Variants in TECTA observed in about 807,000 individuals in gnomAD.
The protein encoded by TECTA is alpha-tectorin.
Under a neutral mutation model 216.8 loss-of-function variants are expected in TECTA, and 128 were observed. The observed-to-expected ratio is 0.59, with a 90% CI of 0.51 to 0.68. The LOEUF (loss-of-function observed/expected upper bound fraction) is 0.68. TECTA is among the 30% of genes least tolerant of loss of function. The pLI, the probability that TECTA is intolerant of heterozygous loss-of-function variation, is 0.00. For synonymous variants in TECTA, 1,089 were observed against 1,117.1 expected (o/e 0.97, Z 0.50); for missense variants, 2,551 against 2,786.2 (o/e 0.92, Z 1.90).
At chr11:121,111,441 C>T (rs1471918915) in intron 4 of TECTA, among the ~76,000 whole-genome samples, 1 of 152,128 alleles carries the variant, frequency 6.6e-6, no homozygotes, top group African/African-American at 2.4e-5. Context: ...TTTTTTTATC[C>T]AGAAGAGTCT....
At chr11:121,175,142 G>A (rs1334817828) in intron 20 of TECTA, among the ~76,000 whole-genome samples, 2 of 151,622 alleles carry the variant, frequency 1.3e-5, no homozygotes, top group African/African-American at 4.9e-5. Context: ...CAAAAAACCA[G>A]CTCCTGGATT....
At position 121,158,036 on chromosome 11, in the gene TECTA, G is replaced by T. The variant is rs1056976311; in HGVS notation, c.4501G>T (p.Ala1501Ser). ...GGGVFRTFDG[A>S]FLRFPANCAF... ...CGGCGTCTTCCGCACCTTCGACGGC[G>T]CCTTCCTGCGCTTCCCAGCCAACTG... The change falls in exon 14 of 24, where the codon GCC (alanine) becomes TCC (serine). Residue 1501 changes from alanine to serine, a missense_variant. Physicochemically the swap from Ala to Ser is moderately conservative, Grantham distance 99. Around this residue, in one of 3 missense-constraint regions of TECTA, gnomAD observed 2,375 missense variants for 2,563.9 expected, o/e 0.93. Transcript: ENST00000392793. The T allele has an allele frequency of 6.2e-7, 1 of 1,613,134 alleles. No individual in the cohort carries two copies. Among genetic ancestry groups the T allele is most frequent in the South Asian group, 1.1e-5 (1 of 91,086 alleles).
At chr11:121,149,951 CAG>C (rs2135111324) in intron 12 of TECTA, among the ~76,000 whole-genome samples, 1 of 152,288 alleles carries the variant, frequency 6.6e-6, no homozygotes, top group East Asian at 1.9e-4. Flanking sequence ...ATGGAAGAAT[CAG>C]AGTGTGAAAC....
At position 121,117,722 on chromosome 11, in the gene TECTA, T is replaced by G. The variant is rs1591439569; in HGVS notation, c.791-584T>G. 2.0e-5 allele frequency among the ~76,000 whole-genome samples: 3 copies of G among 152,180 alleles called. No individual in the cohort carries two copies. The East Asian group carries it at 5.8e-4, about 29-fold the overall frequency. The stretch of plus-strand genomic sequence containing the variant: ...CCTGCCTAAGCAGCATCTGCAGGAT[T>G]CATGAGCCTTTAAATGTGCAAGAAA... On this transcript the variant is annotated intron_variant, in intron 6 of 23. Transcript: ENST00000392793.
chr11:121,146,133 G>A lies in TECTA; in HGVS notation c.4105+17G>A. The stretch of plus-strand genomic sequence containing the variant: ...CGTCCTGCAGTGAGTCCTTCTCGTT[G>A]TCCCTCCTTGTAGCTTCTCCTCTTT... On this transcript the variant is annotated intron_variant, in intron 12 of 23. Transcript: ENST00000392793. The A allele has an allele frequency of 1.2e-6, 2 of 1,601,884 alleles. No individual in the cohort carries two copies. Among genetic ancestry groups the A allele is most frequent in the Non-Finnish European group, 1.7e-6 (2 of 1,179,860 alleles).
At chr11:121,120,407 C>T (rs746440010) in intron 7 of TECTA, among the ~76,000 whole-genome samples, 4 of 152,228 alleles carry the variant, frequency 2.6e-5, no homozygotes, top group Non-Finnish European at 4.4e-5. Flanking sequence ...ATACACCTGC[C>T]CTGCTGGGGA....
chr11:121,111,987 C>G (rs1378375663), intron 4 of TECTA, among the ~76,000 whole-genome samples: 1 of 152,188 alleles, frequency 6.6e-6, no homozygotes, highest in East Asian at 1.9e-4. Context: ...CCAAGATCCT[C>G]TACCCCAGTT....
chr11:121,117,755 G>A (rs1334602721), intron 6 of TECTA, among the ~76,000 whole-genome samples: 2 of 152,234 alleles, frequency 1.3e-5, no homozygotes, highest in African/African-American at 4.8e-5. Context: ...AAAGTGGTCA[G>A]TGCTTTCCAG....
intron 23 of TECTA, 55 bp from the exon 24 acceptor site, chr11:121,190,651 A>G (rs1565542746): frequency 1.5e-5 from 20 of 1,342,886 alleles, no homozygotes; most frequent in South Asian, 2.4e-5. Flanking sequence ...TCTGATCCCT[A>G]TCAAACAGGT....
intron 13 of TECTA, among the ~76,000 whole-genome samples, chr11:121,157,489 A>T (rs1946953219): frequency 6.6e-6 from 1 of 152,092 alleles, no homozygotes; most frequent in African/African-American, 2.4e-5. Flanking sequence ...GCTACTAGGG[A>T]GGCTGAGATA....
At chr11:121,118,859 A>G (rs1179987535) in intron 7 of TECTA, 141 bp downstream of exon 7, 1 of 1,156,692 alleles carries the variant, frequency 8.6e-7, no homozygotes, top group Non-Finnish European at 1.2e-6. Flanking sequence ...CGCCTTGCAA[A>G]TAGCTTGTAA....
chr11:121,152,854 A>T (rs1946903719), intron 12 of TECTA, 27 bp from the exon 13 acceptor site: 1 of 1,584,258 alleles, frequency 6.3e-7, no homozygotes, highest in East Asian at 2.3e-5. Flanking sequence ...TGATCGTGCG[A>T]GTCTTGACTT....
intron 14 of TECTA, among the ~76,000 whole-genome samples, chr11:121,158,822 T>C (rs763711514): frequency 9.2e-5 from 14 of 152,220 alleles, no homozygotes; most frequent in Non-Finnish European, 4.4e-5. Context: ...TTGTTTATCT[T>C]ACACCTGTGT....
intron 7 of TECTA, among the ~76,000 whole-genome samples, chr11:121,124,277 A>G (rs1273617839): frequency 1.3e-5 from 2 of 152,176 alleles, no homozygotes. Context: ...ATAAATGCGT[A>G]TTTGTAGAAT....
Position 121,127,939 on chromosome 11 carries a change from C to G in TECTA, c.1962C>G (p.Phe654Leu). The change falls in exon 9 of 24, where the codon TTC (phenylalanine) becomes TTG (leucine). Residue 654 changes from phenylalanine to leucine, a missense_variant. Phe to Leu is a conservative substitution (Grantham distance 22). Around this residue, in one of 3 missense-constraint regions of TECTA, gnomAD observed 2,375 missense variants for 2,563.9 expected, o/e 0.93. Coordinates refer to ENST00000392793, the MANE Select transcript of TECTA (RefSeq NM_005422.4). The surrounding 1 kb of genome is among the most constrained non-coding windows in gnomAD (Gnocchi z 5.0). The part of the protein sequence containing the change: ...CVPLHKCGCD[F>L]DGHYYTMGEF... ...CTCTGCACAAGTGCGGCTGCGACTTCGACGGCCACTACTACACCATGGGGG... is the reference window on the plus strand; with the variant it reads ...CTCTGCACAAGTGCGGCTGCGACTTGGACGGCCACTACTACACCATGGGGG... The G allele has an allele frequency of 1.2e-6, 2 of 1,614,112 alleles. No homozygotes were observed. Among genetic ancestry groups the G allele is most frequent in the Non-Finnish European group, 1.7e-6 (2 of 1,180,026 alleles).
At position 121,146,366 on chromosome 11, in the gene TECTA, C is replaced by T. The variant is rs1434276918; in HGVS notation, c.4105+250C>T. 4 of 556,536 alleles carry T rather than the reference C, an allele frequency of 7.2e-6. No individual in the cohort carries two copies. In the African/African-American group the frequency reaches 7.6e-5, roughly 11 times the overall value. The allele number at this position is 556,536 out of a possible 1,614,324, so 34.5% of individuals were successfully genotyped here. A position where few individuals can be genotyped will look rare whatever the true frequency, so the allele number is the denominator to read the frequency against. On this transcript the variant is annotated intron_variant, in intron 12 of 23. Coordinates refer to ENST00000392793, the MANE Select transcript of TECTA (RefSeq NM_005422.4). ...ACCCTGAGGATGAAATAAGATCATG[C>T]ATATAAATCACAGAGTATCACACAT...
chr11:121,145,611 C>T lies in TECTA; in HGVS notation c.3600C>T (p.Ile1200=). Residue 1200 remains isoleucine (I), a synonymous_variant, in exon 12 of 24, where the codon ATC becomes ATT. Coordinates refer to ENST00000392793, the MANE Select transcript of TECTA (RefSeq NM_005422.4). The part of the protein sequence containing the change: ...PLKLGQGKIN[I]FSFGFHVVVE... ...AGCTGGGGCAAGGGAAGATAAATAT[C>T]TTTTCCTTTGGCTTCCACGTGGTGG... 6.2e-7 allele frequency: 1 copy of T among 1,614,200 alleles called. No individual in the cohort carries two copies. The highest frequency in any genetic ancestry group is 8.5e-7 in the Non-Finnish European group (1 of 1,180,038).
chr11:121,163,782 C>A (rs580683), intron 16 of TECTA, among the ~76,000 whole-genome samples: 2 of 152,012 alleles, frequency 1.3e-5, no homozygotes, highest in Admixed American at 1.3e-4. Flanking sequence ...TGTAAATAAA[C>A]GTGTCCTTCC....
chr11:121,175,738 A>C (rs374909127), intron 20 of TECTA, among the ~76,000 whole-genome samples: 5 of 152,042 alleles, frequency 3.3e-5, no homozygotes, highest in Non-Finnish European at 7.4e-5. Flanking sequence ...TTCAATTCCT[A>C]GGTATCCTTG....
Sources: gnomAD v4.1 joint callset for allele counts (sites outside exome capture counted in the v4.1 genomes callset) on GRCh38, gnomAD v4.1.1 for gene constraint, gnomAD v4.1.1 regional missense constraint, Gnocchi (gnomAD v3.1) non-coding constraint, MANE v1.5 for transcripts, NCBI Gene and HGNC (gene_info 2026-07-23, HGNC 2026-07-21) for gene names.